Variants in GRHL1 observed in about 807,000 individuals in gnomAD.
The protein encoded by GRHL1 is grainyhead-like protein 1 homolog.
Under a neutral mutation model 75.7 loss-of-function variants are expected in GRHL1, and 38 were observed. The observed-to-expected ratio is 0.50, with a 90% CI of 0.39 to 0.66. GRHL1 has a LOEUF of 0.66. Among genes scored for constraint, GRHL1 ranks in the 30% least tolerant of loss-of-function variants. The probability of loss-of-function intolerance (pLI) is 0.00; values close to 1 mark genes in which losing one functional copy is unlikely to be tolerated. For synonymous variants in GRHL1, 266 were observed against 279.4 expected (o/e 0.95, Z 0.48); for missense variants, 589 against 767.5 (o/e 0.77, Z 2.75).
intron 5 of GRHL1, 28 bp downstream of exon 5, chr2:9,962,559 T>C: frequency 8.4e-7 from 1 of 1,193,126 alleles, no homozygotes; most frequent in Non-Finnish European, 1.3e-6. Context: ...ATTTGATTTT[T>C]AATTTGCAGC....
intron 15 of GRHL1, among the ~76,000 whole-genome samples, chr2:9,999,641 A>T (rs1669184330): frequency 6.6e-6 from 1 of 152,204 alleles, no homozygotes; most frequent in South Asian, 2.1e-4. Context: ...CCTGCTCAGG[A>T]TCCTATTTCC....
chr2:9,999,038 C>A lies in GRHL1; in HGVS notation c.1742+9C>A. The stretch of plus-strand genomic sequence containing the variant: ...AAGAAGTGTAAAAAGGGGTAAGCAG[C>A]CACTGCGTCCTGTGTACCTCGGAAA... On this transcript the variant is annotated intron_variant, in intron 15 of 15. Transcript: ENST00000324907. 1 of 1,503,322 alleles carries A rather than the reference C, an allele frequency of 6.7e-7. No individual in the cohort carries two copies. Among genetic ancestry groups the A allele is most frequent in the Non-Finnish European group, 9.1e-7 (1 of 1,097,528 alleles). The allele number at this position is 1,503,322 out of a possible 1,614,324, so 93.1% of individuals were successfully genotyped here. A position where few individuals can be genotyped will look rare whatever the true frequency, so the allele number is the denominator to read the frequency against.
intron 12 of GRHL1, among the ~76,000 whole-genome samples, chr2:9,994,537 G>GC (rs1668775017): frequency 5.3e-5 from 8 of 152,022 alleles, no homozygotes; most frequent in Non-Finnish European, 1.5e-5. Context: ...GGACATTCAT[G>GC]CCCCACACGT....
At chr2:9,984,730 C>T (rs992693581) in intron 8 of GRHL1, among the ~76,000 whole-genome samples, 6 of 152,006 alleles carry the variant, frequency 3.9e-5, no homozygotes, top group Admixed American at 2.6e-4. Flanking sequence ...TGAGTGTAGC[C>T]GGTGCTAACC....
chr2:9,965,160 C>CA (rs1667437233), intron 7 of GRHL1, 127 bp from the exon 8 acceptor site: 1 of 561,326 alleles, frequency 1.8e-6, no homozygotes, highest in African/African-American at 1.9e-5. Flanking sequence ...TCTAATCGAA[C>CA]AAAATGTTAA....
chr2:9,999,009 A>G lies in GRHL1; in HGVS notation c.1722A>G (p.Ile574Met), dbSNP rs1443999462. ...YDVPHDKIGKIFKKCKKGILV... is the reference protein window; with the variant it reads ...YDVPHDKIGKMFKKCKKGILV... The stretch of plus-strand genomic sequence containing the variant: ...TTCCCCATGACAAGATTGGGAAAAT[A>G]TTCAAGAAGTGTAAAAAGGGGTAAG... The change falls in exon 15 of 16, where the codon ATA becomes ATG. Residue 574 changes from isoleucine (I) to methionine (M), a missense_variant. This residue lies in a region of GRHL1 where 192 missense variants were observed against 226.6 expected (regional missense o/e 0.85). Coordinates refer to ENST00000324907, the MANE Select transcript of GRHL1 (RefSeq NM_198182.3). 4 of 1,580,224 alleles carry G rather than the reference A, an allele frequency of 2.5e-6. No homozygotes were observed. Among genetic ancestry groups the G allele is most frequent in the South Asian group, 1.1e-5 (1 of 88,062 alleles).
At chr2:9,978,671 T>C (rs1668054471) in intron 8 of GRHL1, among the ~76,000 whole-genome samples, 1 of 152,244 alleles carries the variant, frequency 6.6e-6, no homozygotes. Flanking sequence ...GAACTTACTC[T>C]ATTTTAGTTT....
rs1471199459 is a variant in GRHL1, at chr2:9,992,303, G to A, written c.1461+157G>A. On this transcript the variant is annotated intron_variant, in intron 11 of 15. Coordinates refer to ENST00000324907, the MANE Select transcript of GRHL1 (RefSeq NM_198182.3). The surrounding 1 kb of genome is among the most constrained non-coding windows in gnomAD (Gnocchi z 4.6). ...ATTCTGCTGGGGTGACATGATGCCC[G>A]TGCAATAAAAATGGTAAGCATCGCT... is the stretch of plus-strand genomic sequence containing the variant. Among the ~76,000 whole-genome samples, 2 of 152,168 alleles carry A rather than the reference G, an allele frequency of 1.3e-5. No individual in the cohort carries two copies. The highest frequency in any genetic ancestry group is 1.5e-5 in the Non-Finnish European group (1 of 68,036).
chr2:9,994,067 G>A (rs1045389923), intron 12 of GRHL1, among the ~76,000 whole-genome samples: 3 of 142,462 alleles, frequency 2.1e-5, no homozygotes, highest in East Asian at 2.0e-4. Context: ...GGGGGCTGAC[G>A]CTACCCCTCT....
rs1036067617 is a variant in GRHL1, at chr2:9,990,349, C to A, written c.1270-347C>A. On this transcript the variant is annotated intron_variant, in intron 9 of 15. Coordinates refer to ENST00000324907, the MANE Select transcript of GRHL1 (RefSeq NM_198182.3). The surrounding 1 kb of genome is among the most constrained non-coding windows in gnomAD (Gnocchi z 4.2). ...TATTTTTAGTAGAGGTGGGGTTTCA[C>A]CATGTTGGCCAGGCTGGTCTCGAAC... Among the ~76,000 whole-genome samples the A allele has an allele frequency of 4.6e-5, 7 of 151,970 alleles. No individual in the cohort carries two copies. The highest frequency in any genetic ancestry group is 4.6e-4 in the Admixed American group (7 of 15,254).
intron 4 of GRHL1, among the ~76,000 whole-genome samples, chr2:9,962,011 G>C (rs557586125): frequency 6.6e-6 from 1 of 152,142 alleles, no homozygotes; most frequent in Non-Finnish European, 1.5e-5. Flanking sequence ...CCATCTCTGC[G>C]TATGGAGTTA....
At chr2:9,975,896 A>T (rs1667929597) in intron 8 of GRHL1, among the ~76,000 whole-genome samples, 1 of 152,146 alleles carries the variant, frequency 6.6e-6, no homozygotes, top group Non-Finnish European at 1.5e-5. Context: ...TCAAAAAACA[A>T]AAAAACAAAA....
In GRHL1 at chr2:10,000,710, GC is replaced by G. The variant is rs761009809; in HGVS notation, c.*5del. The stretch of plus-strand genomic sequence containing the variant: ...AGCTCACCCTGACGGAGATCTAAAG[GC>G]CTGCGGGCCACAGCTCCCCAGGAGT... On this transcript the variant is annotated 3_prime_UTR_variant, in exon 16 of 16. Coordinates refer to ENST00000324907, the MANE Select transcript of GRHL1 (RefSeq NM_198182.3). 5.3e-6 allele frequency: 8 copies of G among 1,516,022 alleles called. No individual in the cohort carries two copies. In the South Asian group the frequency reaches 7.9e-5, roughly 15 times the overall value. The allele number at this position is 1,516,022 out of a possible 1,614,324, so 93.9% of individuals were successfully genotyped here.
Position 9,961,098 on chromosome 2 carries a change from A to G in GRHL1, c.331A>G (p.Arg111Gly). 1 of 1,568,140 alleles carries G rather than the reference A, an allele frequency of 6.4e-7. No individual in the cohort carries two copies. The highest frequency in any genetic ancestry group is 2.4e-5 in the East Asian group (1 of 42,034). Reference sequence around the variant, plus strand: ...GCCCCTCATCTCTGCTGGAGAAAACAGAGTGCAAGTACTGAAAAATGTGCC... The same window carrying G: ...GCCCCTCATCTCTGCTGGAGAAAACGGAGTGCAAGTACTGAAAAATGTGCC... ...EQPLISAGEN[R>G]VQVLKNVPFN... The change falls in exon 4 of 16, where the codon AGA becomes GGA. Residue 111 changes from arginine to glycine, a missense_variant. Arg to Gly is a moderately radical substitution (Grantham distance 125). This residue lies in a region of GRHL1 where 362 missense variants were observed against 461.8 expected (regional missense o/e 0.78). Coordinates refer to ENST00000324907, the MANE Select transcript of GRHL1 (RefSeq NM_198182.3).
At chr2:9,981,868 T>A (rs1668211304) in intron 8 of GRHL1, among the ~76,000 whole-genome samples, 2 of 152,228 alleles carry the variant, frequency 1.3e-5, no homozygotes, top group Non-Finnish European at 2.9e-5. Context: ...AGACATCACA[T>A]CATGCTTTGT....
Position 10,000,893 on chromosome 2 carries a change from G to A in GRHL1, c.*186G>A. On this transcript the variant is annotated 3_prime_UTR_variant, in exon 16 of 16. Coordinates refer to ENST00000324907, the MANE Select transcript of GRHL1 (RefSeq NM_198182.3). Reference sequence around the variant, plus strand: ...TGGTAGCATTTAATCTATTGCATTGGTGTTTTTCAGATGAAAGAGAAATCC... The same window carrying A: ...TGGTAGCATTTAATCTATTGCATTGATGTTTTTCAGATGAAAGAGAAATCC... 2.2e-6 allele frequency: 1 copy of A among 450,872 alleles called. No homozygotes were observed. Among genetic ancestry groups the A allele is most frequent in the East Asian group, 3.4e-5 (1 of 29,306 alleles). The allele number at this position is 450,872 out of a possible 1,614,324, so 27.9% of individuals were successfully genotyped here.
At chr2:9,988,272 G>A (rs563107913) in intron 9 of GRHL1, among the ~76,000 whole-genome samples, 5 of 152,240 alleles carry the variant, frequency 3.3e-5, no homozygotes, top group South Asian at 4.2e-4. Flanking sequence ...TAATCATCCC[G>A]CGCTCCTGAG....
At position 9,987,448 on chromosome 2, in the gene GRHL1, C is replaced by CAG. The variant is rs1668471388; in HGVS notation, c.1269+1167_1269+1168dup. ...TGAGCCCAGCTGCTGGAAGTGTAGG[C>CAG]AGTCACCCCTGCACGGGAGCTCTTC... On this transcript the variant is annotated intron_variant, in intron 9 of 15. Transcript: ENST00000324907. The surrounding 1 kb of genome is among the most constrained non-coding windows in gnomAD (Gnocchi z 4.2). Among the ~76,000 whole-genome samples, 1 of 152,176 alleles carries CAG rather than the reference C, an allele frequency of 6.6e-6. No homozygotes were observed. Among genetic ancestry groups the CAG allele is most frequent in the African/African-American group, 2.4e-5 (1 of 41,442 alleles).
Position 9,968,728 on chromosome 2 carries a change from G to A in GRHL1, c.1110+3347G>A, listed in dbSNP as rs147727937. ...GAGGGGTGCATACAGCGAGATGGGAGAAAGATACACATAGACTCAGCTGGA... is the reference window on the plus strand; with the variant it reads ...GAGGGGTGCATACAGCGAGATGGGAAAAAGATACACATAGACTCAGCTGGA... On this transcript the variant is annotated intron_variant, in intron 8 of 15. Coordinates refer to ENST00000324907, the MANE Select transcript of GRHL1 (RefSeq NM_198182.3). This position sits in a 1 kb window ranked among gnomAD's most constrained non-coding sequence, Gnocchi z 4.7. 4.2e-3 allele frequency among the ~76,000 whole-genome samples: 641 copies of A among 152,292 alleles called. 3 individuals are homozygous for A. Among genetic ancestry groups the A allele is most frequent in the African/African-American group, 0.014 (577 of 41,560 alleles).
Sources: gnomAD v4.1 joint callset for allele counts (sites outside exome capture counted in the v4.1 genomes callset) on GRCh38, gnomAD v4.1.1 for gene constraint, gnomAD v4.1.1 regional missense constraint, Gnocchi (gnomAD v3.1) non-coding constraint, MANE v1.5 for transcripts, NCBI Gene and HGNC (gene_info 2026-07-23, HGNC 2026-07-21) for gene names.